SHANK2: variants seen among roughly 807,000 people sequenced by gnomAD.
SHANK2 encodes the protein SH3 and multiple ankyrin repeat domains 2.
Under a neutral mutation model 133.7 loss-of-function variants are expected in SHANK2, and 43 were observed. That is an observed-to-expected ratio of 0.32 (90% CI 0.25 to 0.41). SHANK2 has a LOEUF of 0.41. Ranked by LOEUF, SHANK2 falls within the 10% of genes least tolerant of loss-of-function variation. SHANK2 has a pLI of 1.00. For missense variants in SHANK2, 1,994 were observed against 2,235.8 expected, an observed-to-expected ratio of 0.89 and a Z score of 2.18; for synonymous variants, 1,017 against 952.8, an observed-to-expected ratio of 1.07 and a Z score of -1.24.
intron 2 of SHANK2, among the ~76,000 whole-genome samples, chr11:71,156,202 T>C (rs1952904140): frequency 6.6e-6 from 1 of 152,190 alleles, no homozygotes; most frequent in South Asian, 2.1e-4. Context: ...TCTGTGGTGC[T>C]CTGTGATGGC....
At chr11:70,596,904 C>T (rs1554989693) in intron 17 of SHANK2, among the ~76,000 whole-genome samples, 2 of 152,150 alleles carry the variant, frequency 1.3e-5, no homozygotes, top group Non-Finnish European at 2.9e-5. Flanking sequence ...GGCAAGGGGC[C>T]TTTCCCATGA....
chr11:70,759,623 A>G (rs4980638), intron 14 of SHANK2, among the ~76,000 whole-genome samples: 138,608 of 152,262 alleles, frequency 0.91, 63,597 homozygotes, highest in South Asian at 0.98. Context: ...TGAGACTGAT[A>G]GAATGGGCTC....
At chr11:70,905,817 T>G (rs531301596) in intron 10 of SHANK2, among the ~76,000 whole-genome samples, 5 of 151,342 alleles carry the variant, frequency 3.3e-5, no homozygotes, top group East Asian at 3.9e-4. Context: ...TTTTTTTTTT[T>G]TTTTTTTTTT....
At chr11:71,230,323 T>C (rs924829139) in intron 1 of SHANK2, among the ~76,000 whole-genome samples, 2 of 151,936 alleles carry the variant, frequency 1.3e-5, no homozygotes, top group Admixed American at 1.3e-4. Flanking sequence ...GACTCACGCC[T>C]GTAATCCCAG....
intron 12 of SHANK2, among the ~76,000 whole-genome samples, chr11:70,812,817 T>C (rs1948307258): frequency 1.3e-5 from 2 of 152,162 alleles, no homozygotes; most frequent in Admixed American, 1.3e-4. Flanking sequence ...TTCCTTATGT[T>C]CTGGCCAAGA....
At chr11:71,128,635 G>A (rs191041822) in intron 3 of SHANK2, among the ~76,000 whole-genome samples, 1 of 152,260 alleles carries the variant, frequency 6.6e-6, no homozygotes, top group Non-Finnish European at 1.5e-5. Context: ...AGCCACAAAA[G>A]GGAGCTGTGT....
At position 70,945,943 on chromosome 11, in the gene SHANK2, C is replaced by T. The variant is rs532704131; in HGVS notation, c.1108-49376G>A. ...CACTAACCAAACCTTCCCAGTTCAA[C>T]CTCCCTCTCCACTAACCAACCCTTC... On this transcript the variant is annotated intron_variant, in intron 10 of 25. Coordinates refer to ENST00000601538, the MANE Select transcript of SHANK2 (RefSeq NM_012309.5). 1.5e-3 allele frequency among the ~76,000 whole-genome samples: 234 copies of T among 151,818 alleles called. 2 individuals carry two copies. The Middle Eastern group carries it at 0.017, about 11-fold the overall frequency.
intron 11 of SHANK2, among the ~76,000 whole-genome samples, chr11:70,844,352 G>C (rs373066525): frequency 6.6e-6 from 1 of 151,844 alleles, no homozygotes; most frequent in Non-Finnish European, 1.5e-5. Flanking sequence ...TTGGGTTGGG[G>C]GGCCGGGGGC....
At chr11:70,867,543 C>T (rs782624256) in intron 11 of SHANK2, among the ~76,000 whole-genome samples, 1 of 152,340 alleles carries the variant, frequency 6.6e-6, no homozygotes, top group Non-Finnish European at 1.5e-5. Context: ...TTCACAACCT[C>T]GCTGCCCCAG....
At chr11:70,558,093 T>C (rs2136114502) in intron 17 of SHANK2, among the ~76,000 whole-genome samples, 1 of 152,262 alleles carries the variant, frequency 6.6e-6, no homozygotes, top group African/African-American at 2.4e-5. Context: ...TCTCTGGCTG[T>C]TCCGTGGCAG....
intron 11 of SHANK2, among the ~76,000 whole-genome samples, chr11:70,891,784 G>A (rs1555074764): frequency 6.6e-6 from 1 of 152,138 alleles, no homozygotes; most frequent in Admixed American, 6.5e-5. Context: ...GGGTGACCAT[G>A]ATGGACCCTC....
chr11:71,202,720 T>C (rs1555117326), intron 2 of SHANK2, among the ~76,000 whole-genome samples: 1 of 152,180 alleles, frequency 6.6e-6, no homozygotes, highest in African/African-American at 2.4e-5. Context: ...CTCTTGTCCA[T>C]GTGGGATTCC....
At chr11:71,141,519 C>CA (rs1952553714) in intron 3 of SHANK2, among the ~76,000 whole-genome samples, 1 of 151,942 alleles carries the variant, frequency 6.6e-6, no homozygotes, top group African/African-American at 2.4e-5. Flanking sequence ...AACAAACAAA[C>CA]AACAACAAGA....
intron 15 of SHANK2, among the ~76,000 whole-genome samples, chr11:70,695,026 C>T (rs538856299): frequency 3.9e-4 from 59 of 152,292 alleles, no homozygotes; most frequent in African/African-American, 9.6e-4. Flanking sequence ...TATGAACCAG[C>T]TCAGACAGTC....
At chr11:70,885,821 AC>A (rs1555073373) in intron 11 of SHANK2, among the ~76,000 whole-genome samples, 1 of 151,330 alleles carries the variant, frequency 6.6e-6, no homozygotes, top group South Asian at 2.1e-4. Flanking sequence ...ATGTAAAAAT[AC>A]CCTCCCAACC....
chr11:70,861,788 G>A (rs1434707761), intron 11 of SHANK2, among the ~76,000 whole-genome samples: 1 of 152,272 alleles, frequency 6.6e-6, no homozygotes, highest in East Asian at 1.9e-4. Flanking sequence ...GAAAGGCAGG[G>A]AATAAGCCAG....
chr11:71,222,012 G>A (rs1455385625), intron 2 of SHANK2, among the ~76,000 whole-genome samples: 5 of 152,136 alleles, frequency 3.3e-5, no homozygotes, highest in Non-Finnish European at 5.9e-5. Context: ...GCTGGAGGGT[G>A]AAGCGCCCAG....
chr11:71,094,750 A>G (rs1951577925), intron 6 of SHANK2, 62 bp from the exon 7 acceptor site: 1 of 1,500,508 alleles, frequency 6.7e-7, no homozygotes, highest in African/African-American at 1.4e-5. Flanking sequence ...ACAAAGCCAT[A>G]TTCAGATGCC....
intron 17 of SHANK2, among the ~76,000 whole-genome samples, chr11:70,573,030 C>T (rs371425285): frequency 5.4e-4 from 82 of 152,240 alleles, no homozygotes; most frequent in Middle Eastern, 3.4e-3. Flanking sequence ...AAATTGTGGG[C>T]CATCGACATG....
Sources: gnomAD v4.1 joint callset for allele counts (sites outside exome capture counted in the v4.1 genomes callset) on GRCh38, gnomAD v4.1.1 for gene constraint, MANE v1.5 for transcripts, NCBI Gene and HGNC (gene_info 2026-07-23, HGNC 2026-07-21) for gene names.